The following SERGEF variants were observed in gnomAD, a reference collection of about 807,000 sequenced individuals.
SERGEF encodes the protein secretion-regulating guanine nucleotide exchange factor.
SERGEF carries 51 observed loss-of-function variants against 50.0 expected under a neutral mutation model. The observed-to-expected ratio is 1.02, with a 90% CI of 0.81 to 1.29. The LOEUF (loss-of-function observed/expected upper bound fraction) is 1.29. Among genes scored for constraint, SERGEF ranks in the 50% most tolerant of loss-of-function variants. The probability of loss-of-function intolerance (pLI) is 0.00; values close to 1 mark genes in which losing one functional copy is unlikely to be tolerated. For synonymous variants in SERGEF, 205 were observed against 212.4 expected (o/e 0.97, Z 0.30); for missense variants, 521 against 557.0 (o/e 0.94, Z 0.65).
intron 10 of SERGEF, among the ~76,000 whole-genome samples, chr11:17,794,258 T>C (rs1384766175): frequency 6.6e-6 from 1 of 152,190 alleles, no homozygotes. Flanking sequence ...CATACACTCT[T>C]TGCTCCTTCT....
chr11:17,881,580 G>A (rs1347830367), intron 9 of SERGEF, among the ~76,000 whole-genome samples: 1 of 152,212 alleles, frequency 6.6e-6, no homozygotes, highest in East Asian at 1.9e-4. Context: ...CTTTCTAGAA[G>A]ATGCTGTTAA....
intron 10 of SERGEF, among the ~76,000 whole-genome samples, chr11:17,819,605 A>G (rs1850040222): frequency 6.6e-6 from 1 of 152,196 alleles, no homozygotes; most frequent in Non-Finnish European, 1.5e-5. Context: ...CCGGTGCAGG[A>G]CCAAAACATG....
intron 6 of SERGEF, among the ~76,000 whole-genome samples, chr11:17,994,701 C>T (rs1853799450): frequency 6.6e-6 from 1 of 152,064 alleles, no homozygotes; most frequent in Non-Finnish European, 1.5e-5. Context: ...GACTACCTGT[C>T]CCACATCCAA....
At chr11:17,822,548 G>T (rs1373915470) in intron 10 of SERGEF, among the ~76,000 whole-genome samples, 3 of 152,206 alleles carry the variant, frequency 2.0e-5, no homozygotes, top group Non-Finnish European at 4.4e-5. Flanking sequence ...AGCAACTGCA[G>T]CCTTTGGGGA....
chr11:17,817,012 CTG>C (rs1849986316), intron 10 of SERGEF, among the ~76,000 whole-genome samples: 1 of 152,180 alleles, frequency 6.6e-6, no homozygotes, highest in Non-Finnish European at 1.5e-5. Flanking sequence ...CACATTGTCT[CTG>C]TATCTGCCTA....
At chr11:17,993,395 C>G (rs989415664) in intron 6 of SERGEF, among the ~76,000 whole-genome samples, 4 of 152,132 alleles carry the variant, frequency 2.6e-5, no homozygotes, top group Non-Finnish European at 5.9e-5. Flanking sequence ...GTGTGTGTGT[C>G]TGTGTGTCTA....
intron 10 of SERGEF, among the ~76,000 whole-genome samples, chr11:17,797,583 ACAG>A (rs1849592290): frequency 6.7e-6 from 1 of 149,652 alleles, no homozygotes; most frequent in Non-Finnish European, 1.5e-5. Context: ...TTTTTTTTTT[ACAG>A]TTTATTTATT....
At chr11:18,010,784 A>T (rs1565231225) in intron 1 of SERGEF, among the ~76,000 whole-genome samples, 1 of 152,170 alleles carries the variant, frequency 6.6e-6, no homozygotes, top group African/African-American at 2.4e-5. Flanking sequence ...TGCTGGCCCA[A>T]AGAAGATGTA....
intron 10 of SERGEF, among the ~76,000 whole-genome samples, chr11:17,838,730 C>T (rs190162444): frequency 4.1e-4 from 62 of 152,264 alleles, no homozygotes; most frequent in African/African-American, 1.3e-3. Context: ...AAACGAGATA[C>T]GGTGTAGAGC....
Position 17,988,691 on chromosome 11 carries a change from G to A in SERGEF, c.750C>T (p.Phe250=). The A allele has an allele frequency of 6.2e-7, 1 of 1,614,114 alleles. No individual in the cohort carries two copies. ...CTTCTATTTTCTGGGGCACAGGAAGGAAAGCAGCCTCATTAGCCAGTTGCC... is the reference window on the plus strand; with the variant it reads ...CTTCTATTTTCTGGGGCACAGGAAGAAAAGCAGCCTCATTAGCCAGTTGCC... ...KHGQLANEAA[F]LPVPQKIEAH... is the part of the protein sequence containing the mutation. Residue 250 remains phenylalanine, a synonymous_variant, in exon 8 of 11, where the codon TTC becomes TTT. Coordinates refer to ENST00000265965, the MANE Select transcript of SERGEF (RefSeq NM_012139.4).
intron 8 of SERGEF, among the ~76,000 whole-genome samples, chr11:17,972,707 C>A (rs1853275731): frequency 6.6e-6 from 1 of 152,108 alleles, no homozygotes; most frequent in Non-Finnish European, 1.5e-5. Flanking sequence ...TATGCCTGTA[C>A]AAGTCAACTT....
chr11:17,918,819 C>A, intron 9 of SERGEF: 1 of 393,124 alleles, frequency 2.5e-6, no homozygotes, highest in South Asian at 1.9e-5. Context: ...AAAAAGCACT[C>A]CTGGCAAAGG....
chr11:17,926,753 A>G (rs575251540), intron 9 of SERGEF: 5 of 456,202 alleles, frequency 1.1e-5, no homozygotes, highest in South Asian at 3.1e-5. Context: ...TATTACTCCA[A>G]AAGACTATCT....
chr11:17,840,780 T>C (rs1265835685), intron 10 of SERGEF, among the ~76,000 whole-genome samples: 1 of 152,096 alleles, frequency 6.6e-6, no homozygotes, highest in Non-Finnish European at 1.5e-5. Context: ...GATTTAGTAT[T>C]CTCTAAAATC....
chr11:18,012,554 C>G, intron 1 of SERGEF: 4 of 1,156,724 alleles, frequency 3.5e-6, no homozygotes, highest in Non-Finnish European at 4.3e-6. Flanking sequence ...CTCCAGGCAT[C>G]AGGAGTGTGG....
chr11:17,902,752 G>C (rs940826359), intron 9 of SERGEF, among the ~76,000 whole-genome samples: 1 of 152,186 alleles, frequency 6.6e-6, no homozygotes, highest in Admixed American at 6.5e-5. Flanking sequence ...GTACATGAGC[G>C]CCTGCAAGGA....
chr11:18,001,445 A>C (rs1057023831), intron 4 of SERGEF, among the ~76,000 whole-genome samples: 7 of 152,222 alleles, frequency 4.6e-5, no homozygotes, highest in African/African-American at 1.7e-4. Flanking sequence ...GGGGGAAACC[A>C]GATGCTATGT....
chr11:17,814,086 A>C (rs1307925268), intron 10 of SERGEF, among the ~76,000 whole-genome samples: 1 of 152,240 alleles, frequency 6.6e-6, no homozygotes, highest in African/African-American at 2.4e-5. Context: ...AGTTGGAAGG[A>C]AATGTCTTTG....
At chr11:17,974,937 G>C (rs1322417848) in intron 8 of SERGEF, among the ~76,000 whole-genome samples, 2 of 152,198 alleles carry the variant, frequency 1.3e-5, no homozygotes, top group Non-Finnish European at 2.9e-5. Flanking sequence ...GGGGCTGGCT[G>C]GGGGAGAAAG....
Sources: allele counts gnomAD v4.1 joint callset (sites outside exome capture counted in the v4.1 genomes callset), GRCh38; gene constraint gnomAD v4.1.1; transcripts MANE v1.5; gene names NCBI Gene and HGNC (gene_info 2026-07-23, HGNC 2026-07-21).